KLHL18: variants seen among roughly 807,000 people sequenced by gnomAD.
KLHL18 encodes the protein kelch like family member 18, also known as kelch-like protein 18.
In KLHL18, 38 loss-of-function variants were observed where a neutral mutation model predicts 58.5. The ratio of observed to expected loss-of-function variants is 0.65; its 90% CI spans 0.50 to 0.85. The LOEUF is 0.85. KLHL18 is among the 40% of genes least tolerant of loss of function. The pLI is 0.00. For synonymous variants in KLHL18, 303 were observed against 301.9 expected (o/e 1.00, Z -0.04); for missense variants, 624 against 778.4 (o/e 0.80, Z 2.36).
At chr3:47,287,855 A>C (rs1576128041) in intron 1 of KLHL18, among the ~76,000 whole-genome samples, 1 of 152,128 alleles carries the variant, frequency 6.6e-6, no homozygotes, top group African/African-American at 2.4e-5. Flanking sequence ...CATGTGTTCA[A>C]CCTGCCATTT....
chr3:47,344,349 G>T lies in KLHL18; in HGVS notation c.*408G>T, dbSNP rs917404003. The T allele has an allele frequency of 1.1e-5, 3 of 265,980 alleles. No homozygotes were observed. The highest frequency in any genetic ancestry group is 5.2e-5 in the Admixed American group (1 of 19,218). 16.5% of individuals were successfully genotyped at this position (265,980 alleles called of 1,614,324 possible). On this transcript the variant is annotated 3_prime_UTR_variant, in exon 10 of 10. Coordinates refer to ENST00000232766, the MANE Select transcript of KLHL18 (RefSeq NM_025010.5). ...GCCAATTTGCCATGGGGAGGCTGCA[G>T]TGTCCAAGCCTGCTGGAAACTGGGA...
chr3:47,294,817 T>C (rs1368906981), intron 1 of KLHL18, among the ~76,000 whole-genome samples: 4 of 152,242 alleles, frequency 2.6e-5, no homozygotes, highest in East Asian at 1.9e-4. Flanking sequence ...CCATGGTTCA[T>C]GAAGACAGCA....
chr3:47,314,768 T>C (rs1333717554), intron 1 of KLHL18, among the ~76,000 whole-genome samples: 1 of 152,236 alleles, frequency 6.6e-6, no homozygotes, highest in African/African-American at 2.4e-5. Flanking sequence ...TTCCAGACTA[T>C]CCTTTAGCTA....
chr3:47,318,150 C>T (rs1037241494), intron 1 of KLHL18, among the ~76,000 whole-genome samples: 3 of 152,216 alleles, frequency 2.0e-5, no homozygotes, highest in Non-Finnish European at 2.9e-5. Flanking sequence ...CAGGCATGAG[C>T]CACCCTGCGT....
chr3:47,313,147 G>T (rs1163205906), intron 1 of KLHL18, among the ~76,000 whole-genome samples: 1 of 150,750 alleles, frequency 6.6e-6, no homozygotes, highest in Non-Finnish European at 1.5e-5. Context: ...CCGACCTTGT[G>T]ATCCGCCCGT....
intron 1 of KLHL18, among the ~76,000 whole-genome samples, chr3:47,291,778 A>G (rs1353271438): frequency 1.3e-5 from 2 of 152,266 alleles, no homozygotes; most frequent in African/African-American, 4.8e-5. Flanking sequence ...TTGTTAAAGA[A>G]TACAAATGAA....
intron 1 of KLHL18, among the ~76,000 whole-genome samples, chr3:47,285,918 C>G (rs751924710): frequency 2.0e-5 from 3 of 151,910 alleles, no homozygotes; most frequent in Non-Finnish European, 4.4e-5. Flanking sequence ...TACCTTTAGT[C>G]TTTCTTAGCT....
chr3:47,336,535 G>T lies in KLHL18; in HGVS notation c.899G>T (p.Gly300Val), dbSNP rs1361193593. ...IYAVGGLNSA[G>V]DSLNVVEVFD... The stretch of plus-strand genomic sequence containing the variant: ...ATTTGAGTAGCAAATTTTTATGCAG[G>T]TGATTCCCTGAATGTGGTGGAAGTG... Residue 300 changes from glycine (G) to valine (V), a missense_variant and splice_region_variant, in exon 7 of 10, where the codon GGT (glycine) becomes GTT (valine). Physicochemically the swap from Gly to Val is moderately radical, Grantham distance 109 (BLOSUM62 -3). Transcript: ENST00000232766. The T allele has an allele frequency of 6.2e-7, 1 of 1,611,400 alleles. No individual in the cohort carries two copies. Among genetic ancestry groups the T allele is most frequent in the Non-Finnish European group, 8.5e-7 (1 of 1,177,686 alleles).
chr3:47,312,838 A>G (rs1011219734), intron 1 of KLHL18, among the ~76,000 whole-genome samples: 3 of 149,740 alleles, frequency 2.0e-5, no homozygotes, highest in African/African-American at 7.4e-5. Flanking sequence ...TGGATGTTTT[A>G]TTTTGAGATA....
At chr3:47,298,075 G>C (rs1702933110) in intron 1 of KLHL18, among the ~76,000 whole-genome samples, 1 of 152,050 alleles carries the variant, frequency 6.6e-6, no homozygotes, top group African/African-American at 2.4e-5. Context: ...AGAGAGTCAT[G>C]GTGGGGGATA....
At chr3:47,338,879 A>G (rs985255047) in intron 7 of KLHL18, 2 of 152,226 alleles carry the variant, frequency 1.3e-5, no homozygotes, top group Non-Finnish European at 1.5e-5. Context: ...GTTTGTTAGA[A>G]ACCTAGATTC....
At chr3:47,315,212 G>A (rs1442005265) in intron 1 of KLHL18, among the ~76,000 whole-genome samples, 1 of 152,174 alleles carries the variant, frequency 6.6e-6, no homozygotes, top group Non-Finnish European at 1.5e-5. Context: ...AACTGAGAAG[G>A]AAGAGGATTT....
intron 8 of KLHL18, 46 bp downstream of exon 8, chr3:47,340,722 G>A (rs1398015586): frequency 6.2e-7 from 1 of 1,609,394 alleles, no homozygotes; most frequent in Non-Finnish European, 8.5e-7. Context: ...TATAAACAGA[G>A]AGTATAAAAA....
intron 1 of KLHL18, among the ~76,000 whole-genome samples, chr3:47,284,436 A>G (rs1006646750): frequency 1.3e-5 from 2 of 149,712 alleles, no homozygotes; most frequent in African/African-American, 4.9e-5. Flanking sequence ...CCTGGGTTCA[A>G]GCGATTCTCC....
chr3:47,344,232 C>A lies in KLHL18; in HGVS notation c.*291C>A. 2.3e-6 allele frequency: 1 copy of A among 443,474 alleles called. No homozygotes were observed. The allele number at this position is 443,474 out of a possible 1,614,324, so 27.5% of individuals were successfully genotyped here. On this transcript the variant is annotated 3_prime_UTR_variant, in exon 10 of 10. Coordinates refer to ENST00000232766, the MANE Select transcript of KLHL18 (RefSeq NM_025010.5). ...GAACACAGGCTCCATCCAGGCCCAG[C>A]TCCTACCCACCGCCTCTCTGTGGGC...
At chr3:47,318,109 C>T (rs1703498313) in intron 1 of KLHL18, among the ~76,000 whole-genome samples, 1 of 152,218 alleles carries the variant, frequency 6.6e-6, no homozygotes, top group South Asian at 2.1e-4. Context: ...AAGCAATCCA[C>T]CTTCCTTGGC....
chr3:47,343,853 C>G lies in KLHL18; in HGVS notation c.1637C>G (p.Pro546Arg). The G allele has an allele frequency of 6.2e-7, 1 of 1,614,204 alleles. No homozygotes were observed. Among genetic ancestry groups the G allele is most frequent in the Non-Finnish European group, 8.5e-7 (1 of 1,180,036 alleles). The change falls in exon 10 of 10, where the codon CCA becomes CGA. Residue 546 changes from proline to arginine, a missense_variant. Coordinates refer to ENST00000232766, the MANE Select transcript of KLHL18 (RefSeq NM_025010.5). ...SNLSSVEMYD[P>R]ETDCWTFMAP... ...CTAAGCTCAGTGGAGATGTATGACC[C>G]AGAGACAGACTGCTGGACATTCATG...
intron 2 of KLHL18, among the ~76,000 whole-genome samples, chr3:47,321,009 G>T (rs1156853992): frequency 1.3e-5 from 2 of 152,310 alleles, no homozygotes; most frequent in African/African-American, 4.8e-5. Context: ...ATTCTCTGAG[G>T]TGTGTGTCTG....
At position 47,290,533 on chromosome 3, in the gene KLHL18, C is replaced by T. The variant is rs1375696429; in HGVS notation, c.129+7439C>T. On this transcript the variant is annotated intron_variant, in intron 1 of 9. Coordinates refer to ENST00000232766, the MANE Select transcript of KLHL18 (RefSeq NM_025010.5). ...GCTGGAGTACAGTGGTGGATCACAG[C>T]CCACTGCAGCGTCGAAATCCCTGGC... Among the ~76,000 whole-genome samples, 4 of 152,116 alleles carry T rather than the reference C, an allele frequency of 2.6e-5. No homozygotes were observed. In the East Asian group the frequency reaches 7.8e-4, roughly 29 times the overall value.
Sources: allele counts gnomAD v4.1 joint callset (sites outside exome capture counted in the v4.1 genomes callset), GRCh38; gene constraint gnomAD v4.1.1; transcripts MANE v1.5; gene names NCBI Gene and HGNC (gene_info 2026-07-23, HGNC 2026-07-21).